Variants in IARS2 observed in about 807,000 individuals in gnomAD.
IARS2 encodes isoleucine--tRNA ligase, mitochondrial.
In IARS2, 56 loss-of-function variants were observed where a neutral mutation model predicts 126.3. The ratio of observed to expected loss-of-function variants is 0.44; its 90% CI spans 0.36 to 0.55. The LOEUF is 0.55. Ranked by LOEUF, IARS2 falls within the 20% of genes least tolerant of loss-of-function variation. The pLI is 0.00. For missense variants in IARS2, 1,127 were observed against 1,245.9 expected (o/e 0.90, Z 1.44); for synonymous variants, 407 against 441.1 (o/e 0.92, Z 0.97).
At chr1:220,143,508 G>A (rs1558132825) in intron 21 of IARS2, among the ~76,000 whole-genome samples, 1 of 152,144 alleles carries the variant, frequency 6.6e-6, no homozygotes. Context: ...TAGGGATAGG[G>A]AAGGAATAGA....
chr1:220,137,754 C>A, intron 16 of IARS2, 164 bp from the exon 17 acceptor site: 1 of 678,518 alleles, frequency 1.5e-6, no homozygotes, highest in Non-Finnish European at 2.4e-6. Flanking sequence ...TTTTTAGATA[C>A]AGTCTAATTT....
intron 22 of IARS2, among the ~76,000 whole-genome samples, chr1:220,146,738 C>T (rs778274404): frequency 2.1e-4 from 32 of 152,116 alleles, no homozygotes; most frequent in Non-Finnish European, 3.5e-4. Context: ...ATGGCGCAAT[C>T]TTGGTTTACC....
At position 220,147,722 on chromosome 1, in the gene IARS2, A is replaced by G. The variant is rs1657634019; in HGVS notation, c.*87A>G. The G allele has an allele frequency of 2.9e-6, 4 of 1,391,132 alleles. No homozygotes were observed. In the Admixed American group the frequency reaches 8.2e-5, roughly 28 times the overall value. The allele number at this position is 1,391,132 out of a possible 1,614,324, so 86.2% of individuals were successfully genotyped here. A position where few individuals can be genotyped will look rare whatever the true frequency, so the allele number is the denominator to read the frequency against. On this transcript the variant is annotated 3_prime_UTR_variant, in exon 23 of 23. Coordinates refer to ENST00000366922, the MANE Select transcript of IARS2 (RefSeq NM_018060.4). ...TATTTACAATATAGGAAAGAAAGCC[A>G]AGATTTAGGTAATGAGTGGATGAGT...
At chr1:220,137,882 G>A (rs1657410731) in intron 16 of IARS2, 36 bp from the exon 17 acceptor site, 9 of 1,611,462 alleles carry the variant, frequency 5.6e-6, no homozygotes, top group African/African-American at 1.3e-5. Context: ...GGAATTGAAA[G>A]CCATTGTGTT....
rs1417342408 is a variant in IARS2, at chr1:220,126,858, T to C, written c.1837+15T>C. On this transcript the variant is annotated intron_variant, in intron 14 of 22. Transcript: ENST00000366922. ...TGTTCTTCCAGGTAATTCTTAAAAA[T>C]AGATATATGCCGATCAAGAAGTTTT... The C allele has an allele frequency of 6.4e-7, 1 of 1,555,234 alleles. No homozygotes were observed. The highest frequency in any genetic ancestry group is 8.8e-7 in the Non-Finnish European group (1 of 1,133,806).
Position 220,102,356 on chromosome 1 carries a change from T to A in IARS2, c.700-7T>A, listed in dbSNP as rs1656595951. 1.2e-6 allele frequency: 2 copies of A among 1,613,392 alleles called. No homozygotes were observed. The highest frequency in any genetic ancestry group is 1.7e-6 in the Non-Finnish European group (2 of 1,179,894). ...TACTTTTAACATCATATTTTTGTCT[T>A]TTATAGGGCTTGGTTTATCGATCTT... On this transcript the variant is annotated splice_polypyrimidine_tract_variant and splice_region_variant and intron_variant, in intron 4 of 22. Transcript: ENST00000366922.
chr1:220,127,251 C>A (rs577222444), intron 14 of IARS2, among the ~76,000 whole-genome samples: 17 of 152,292 alleles, frequency 1.1e-4, no homozygotes, highest in African/African-American at 3.8e-4. Context: ...GGTCACATAG[C>A]TTAGTAGTGT....
chr1:220,140,344 G>C, intron 19 of IARS2, 55 bp downstream of exon 19: 2 of 1,077,256 alleles, frequency 1.9e-6, no homozygotes, highest in South Asian at 2.5e-5. Flanking sequence ...GGTGACTCAC[G>C]CCTGTAATCC....
At chr1:220,110,668 G>A (rs1656781381) in intron 10 of IARS2, 118 bp from the exon 11 acceptor site, 1 of 755,186 alleles carries the variant, frequency 1.3e-6, no homozygotes, top group Admixed American at 2.6e-5. Context: ...CTGGCAAGGT[G>A]ACTACTCTTA....
rs1365341262 is a variant in IARS2 at position 220,102,770 on chromosome 1, G to C, written c.943G>C (p.Glu315Gln). 1 of 1,601,456 alleles carries C rather than the reference G, an allele frequency of 6.2e-7. No homozygotes were observed. Among genetic ancestry groups the C allele is most frequent in the African/African-American group, 1.3e-5 (1 of 74,644 alleles). The change falls in exon 7 of 23, where the codon GAA becomes CAA. Residue 315 changes from glutamate to glutamine, a missense_variant. Coordinates refer to ENST00000366922, the MANE Select transcript of IARS2 (RefSeq NM_018060.4). ...PANEAVCYMP[E>Q]SKYAVVKCSK... is the part of the protein sequence containing the mutation. ...CAATGAAGCTGTTTGCTATATGCCT[G>C]AATCAAAGTGGGTATATTATTGCAT...
rs1558131115 is a variant in IARS2, at chr1:220,138,051, CTAT to C, written c.2175+13_2175+15del. On this transcript the variant is annotated intron_variant, in intron 17 of 22. Transcript: ENST00000366922. ...AGAGATGATATTAGCAAGGTTAGAA[CTAT>C]TATTCTTCCTATTTCTAAAGGACAA... 2 of 1,612,650 alleles carry C rather than the reference CTAT, an allele frequency of 1.2e-6. No homozygotes were observed. Among genetic ancestry groups the C allele is most frequent in the Non-Finnish European group, 1.7e-6 (2 of 1,179,212 alleles).
chr1:220,146,732 C>T (rs1382535046), intron 22 of IARS2, among the ~76,000 whole-genome samples: 1 of 152,048 alleles, frequency 6.6e-6, no homozygotes. Context: ...AGTGCAATGG[C>T]GCAATCTTGG....
At chr1:220,127,120 C>G (rs953478741) in intron 14 of IARS2, among the ~76,000 whole-genome samples, 1 of 152,176 alleles carries the variant, frequency 6.6e-6, no homozygotes, top group Non-Finnish European at 1.5e-5. Context: ...TTCTCCTTGG[C>G]CACTTGGCAA....
At position 220,094,189 on chromosome 1, in the gene IARS2, G is replaced by C; in HGVS notation, c.-28G>C. The C allele has an allele frequency of 6.6e-7, 1 of 1,522,008 alleles. No homozygotes were observed. The highest frequency in any genetic ancestry group is 8.8e-7 in the Non-Finnish European group (1 of 1,140,010). 94.3% of individuals were successfully genotyped at this position (1,522,008 alleles called of 1,614,324 possible). A position where few individuals can be genotyped will look rare whatever the true frequency, so the allele number is the denominator to read the frequency against. On this transcript the variant is annotated 5_prime_UTR_variant, in exon 1 of 23. Coordinates refer to ENST00000366922, the MANE Select transcript of IARS2 (RefSeq NM_018060.4). ...CCCTTCAAGCTGGGGCGGGAGCGGA[G>C]GACCCCGCTCTCAGGGGTTGCCGGA...
intron 12 of IARS2, among the ~76,000 whole-genome samples, chr1:220,122,850 TTA>T (rs1342610100): frequency 6.6e-6 from 1 of 152,204 alleles, no homozygotes; most frequent in Non-Finnish European, 1.5e-5. Context: ...GATATTATTT[TTA>T]TGTCTTTTTC....
rs1198510596 is a variant in IARS2, at chr1:220,107,083, G to T, written c.1259G>T (p.Gly420Val). The change falls in exon 10 of 23, where the codon GGA (glycine) becomes GTA (valine). Residue 420 changes from glycine (G) to valine (V), a missense_variant. Transcript: ENST00000366922. ...LPMDCLVDED[G>V]VFTDVAGPEL... ...TAGGATTGTCTAGTGGACGAAGATGGAGTTTTCACAGATGTTGCAGGTCCT... is the reference window on the plus strand; with the variant it reads ...TAGGATTGTCTAGTGGACGAAGATGTAGTTTTCACAGATGTTGCAGGTCCT... The T allele has an allele frequency of 6.2e-7, 1 of 1,612,442 alleles. No homozygotes were observed. Among genetic ancestry groups the T allele is most frequent in the Non-Finnish European group, 8.5e-7 (1 of 1,178,500 alleles).
At chr1:220,124,030 CA>C (rs1316970403) in intron 12 of IARS2, among the ~76,000 whole-genome samples, 1 of 152,130 alleles carries the variant, frequency 6.6e-6, no homozygotes, top group Non-Finnish European at 1.5e-5. Context: ...AGGAAACAGG[CA>C]CAGAAATGTT....
chr1:220,147,199 A>G lies in IARS2; in HGVS notation c.2897-294A>G, dbSNP rs59914129. On this transcript the variant is annotated intron_variant, in intron 22 of 22. Coordinates refer to ENST00000366922, the MANE Select transcript of IARS2 (RefSeq NM_018060.4). ...GTGTCATTCATCAGAACTATACCCA[A>G]ATTTAACAGCTAGAAAGTCTGCTCT... 0.13 allele frequency among the ~76,000 whole-genome samples: 20,387 copies of G among 152,100 alleles called. 1,440 individuals are homozygous for G. Among genetic ancestry groups the G allele is most frequent in the South Asian group, 0.18 (888 of 4,812 alleles).
chr1:220,118,204 A>C (rs1434560030), intron 12 of IARS2: 2 of 506,002 alleles, frequency 4.0e-6, no homozygotes, highest in South Asian at 1.5e-5. Flanking sequence ...ATTGGTACAC[A>C]GTCCACATGG....
Sources: allele counts gnomAD v4.1 joint callset (sites outside exome capture counted in the v4.1 genomes callset), GRCh38; gene constraint gnomAD v4.1.1; transcripts MANE v1.5; gene names NCBI Gene and HGNC (gene_info 2026-07-23, HGNC 2026-07-21).